Variants in S100PBP observed in about 807,000 individuals in gnomAD.
S100PBP encodes the protein S100P binding protein, also known as S100P-binding protein.
In S100PBP, 15 loss-of-function variants were observed where a neutral mutation model predicts 39.9. That is an observed-to-expected ratio of 0.38 (90% confidence interval 0.25 to 0.58). The LOEUF (loss-of-function observed/expected upper bound fraction) is 0.58, where lower values mean the gene tolerates loss of function less well. S100PBP is among the 20% of genes least tolerant of loss of function. The pLI is 0.70. For missense variants in S100PBP, 504 were observed against 487.3 expected (o/e 1.03, Z -0.32); for synonymous variants, 178 against 180.3 (o/e 0.99, Z 0.10).
At position 32,845,477 on chromosome 1, in the gene S100PBP, C is replaced by T. The variant is rs556600241; in HGVS notation, c.1025-7602C>T. On this transcript the variant is annotated intron_variant, in intron 5 of 6. Transcript: ENST00000373475. ...ATAGAGATGGTATCTCACTGTTACC[C>T]AGGCTAGTCTCGAACTCTTGGCCTC... Among the ~76,000 whole-genome samples the T allele has an allele frequency of 3.4e-4, 52 of 152,104 alleles. 2 individuals carry two copies. The South Asian group carries it at 0.011, about 32-fold the overall frequency.
At chr1:32,816,766 TCTCTCTTTCCCTTTAAAG>T (rs1282001735), upstream of S100PBP, 15 of 188,982 alleles carry the variant, frequency 7.9e-5, no homozygotes, top group East Asian at 5.2e-4. Context: ...AGCCTTCCCT[TCTCTCTTTCCCTTTAAAG>T]CTCCCAGTAT....
chr1:32,820,057 A>G (rs1638973364), intron 1 of S100PBP, among the ~76,000 whole-genome samples: 1 of 151,982 alleles, frequency 6.6e-6, no homozygotes, highest in Admixed American at 6.6e-5. Flanking sequence ...TAAACTAGAT[A>G]AGAGTAGAGT....
At position 32,853,142 on chromosome 1, in the gene S100PBP, A is replaced by G. The variant is rs780705843; in HGVS notation, c.1088A>G (p.Gln363Arg). Reference sequence around the variant, plus strand: ...CATCATATGCAGCACTCAAAATGGCAGCATCCTTCGGACCTCACCACGCGG... The same window carrying G: ...CATCATATGCAGCACTCAAAATGGCGGCATCCTTCGGACCTCACCACGCGG... Reference protein sequence around the residue: ...QVHHMQHSKWQHPSDLTTRNY... With the variant: ...QVHHMQHSKWRHPSDLTTRNY... Residue 363 changes from glutamine (Q) to arginine (R), a missense_variant, in exon 6 of 7, where the codon CAG becomes CGG. Coordinates refer to ENST00000373475, the MANE Select transcript of S100PBP (RefSeq NM_022753.4). The G allele has an allele frequency of 1.8e-5, 29 of 1,612,502 alleles. No individual in the cohort carries two copies. The highest frequency in any genetic ancestry group is 2.5e-5 in the Non-Finnish European group (29 of 1,179,602).
chr1:32,825,714 A>G (rs1164454701), intron 2 of S100PBP, among the ~76,000 whole-genome samples: 1 of 152,206 alleles, frequency 6.6e-6, no homozygotes, highest in African/African-American at 2.4e-5. Context: ...GGATTTGGCT[A>G]CTTTGAACAT....
At chr1:32,821,964 G>A (rs1005974924) in intron 1 of S100PBP, among the ~76,000 whole-genome samples, 3 of 151,938 alleles carry the variant, frequency 2.0e-5, no homozygotes, top group Admixed American at 1.3e-4. Flanking sequence ...AATTGCAGGG[G>A]GAAAAGATCT....
chr1:32,824,366 G>A (rs1043631703), intron 1 of S100PBP, among the ~76,000 whole-genome samples: 1 of 152,108 alleles, frequency 6.6e-6, no homozygotes, highest in Admixed American at 6.5e-5. Context: ...TCAGATATGT[G>A]AAATACTAGC....
intron 5 of S100PBP, among the ~76,000 whole-genome samples, chr1:32,845,870 G>C (rs2148682449): frequency 6.6e-6 from 1 of 150,928 alleles, no homozygotes; most frequent in East Asian, 2.0e-4. Flanking sequence ...GTAGAGATGG[G>C]GTTTTGCCAT....
chr1:32,822,379 G>T (rs1020392003), intron 1 of S100PBP, among the ~76,000 whole-genome samples: 1 of 152,130 alleles, frequency 6.6e-6, no homozygotes, highest in African/African-American at 2.4e-5. Flanking sequence ...TTGGGAGGCC[G>T]AGGCGGGCGG....
intron 1 of S100PBP, among the ~76,000 whole-genome samples, chr1:32,823,433 G>A (rs1335499176): frequency 6.6e-6 from 1 of 152,158 alleles, no homozygotes; most frequent in Non-Finnish European, 1.5e-5. Context: ...ACAATTGCTG[G>A]AATATAGTAT....
chr1:32,824,598 T>C (rs1639237843), intron 1 of S100PBP, among the ~76,000 whole-genome samples: 2 of 151,512 alleles, frequency 1.3e-5, no homozygotes, highest in African/African-American at 2.4e-5. Context: ...GGTCTTGCTC[T>C]GTCACCCTGG....
chr1:32,822,666 G>A (rs1639135328), intron 1 of S100PBP, among the ~76,000 whole-genome samples: 1 of 148,268 alleles, frequency 6.7e-6, no homozygotes, highest in South Asian at 2.2e-4. Flanking sequence ...ACATCAGAAA[G>A]AGAATGGTTT....
intron 1 of S100PBP, among the ~76,000 whole-genome samples, chr1:32,823,352 G>GAAT (rs1458231708): frequency 6.6e-6 from 1 of 152,174 alleles, no homozygotes; most frequent in Non-Finnish European, 1.5e-5. Flanking sequence ...CTAAAGAAAT[G>GAAT]AATAACTCAG....
chr1:32,817,621 G>T, upstream of S100PBP: 1 of 336,522 alleles, frequency 3.0e-6, no homozygotes, highest in Non-Finnish European at 5.7e-6. Flanking sequence ...CGGGGAGGGG[G>T]CGATAAAATG....
At chr1:32,843,955 C>A (rs1237436242) in intron 5 of S100PBP, among the ~76,000 whole-genome samples, 1 of 151,840 alleles carries the variant, frequency 6.6e-6, no homozygotes, top group Non-Finnish European at 1.5e-5. Context: ...GCTGTGTCAC[C>A]CAAACTGGAG....
intron 5 of S100PBP, chr1:32,836,658 G>C: frequency 1.3e-6 from 1 of 796,346 alleles, no homozygotes. Flanking sequence ...AGAGCCTTCT[G>C]TTCTACTGCT....
chr1:32,824,725 G>A (rs763842928), intron 1 of S100PBP, among the ~76,000 whole-genome samples: 4 of 150,626 alleles, frequency 2.7e-5, no homozygotes, highest in Non-Finnish European at 4.4e-5. Context: ...ACCATGCGCC[G>A]CTGATTTTTC....
At chr1:32,838,362 A>G (rs1262023491) in intron 5 of S100PBP, among the ~76,000 whole-genome samples, 2 of 151,594 alleles carry the variant, frequency 1.3e-5, no homozygotes, top group African/African-American at 4.8e-5. Context: ...AAGAAAAGAA[A>G]AGAAACTGCC....
At position 32,826,261 on chromosome 1, in the gene S100PBP, A is replaced by G; in HGVS notation, c.162A>G (p.Thr54=). Residue 54 remains threonine (T), a synonymous_variant, in exon 3 of 7, where the codon ACA becomes ACG. Coordinates refer to ENST00000373475, the MANE Select transcript of S100PBP (RefSeq NM_022753.4). ...AAGATGATGGTGATGTAAATTACAC[A>G]GAGGAAGAGATTGATGCACTGTTGA... ...GEEDDGDVNY[T]EEEIDALLKE... 6.2e-7 allele frequency: 1 copy of G among 1,614,178 alleles called. No individual in the cohort carries two copies. The highest frequency in any genetic ancestry group is 8.5e-7 in the Non-Finnish European group (1 of 1,180,018).
At position 32,826,655 on chromosome 1, in the gene S100PBP, C is replaced by A; in HGVS notation, c.556C>A (p.Leu186Ile). ...TGGAGAAGAGATGAGAGAAGATGGTCTTAGCCCAAATGAAAGCAAACTTTG... is the reference window on the plus strand; with the variant it reads ...TGGAGAAGAGATGAGAGAAGATGGTATTAGCCCAAATGAAAGCAAACTTTG... ...SLGEEMREDG[L>I]SPNESKLCTE... The change falls in exon 3 of 7, where the codon CTT becomes ATT. Residue 186 changes from leucine to isoleucine, a missense_variant. Coordinates refer to ENST00000373475, the MANE Select transcript of S100PBP (RefSeq NM_022753.4). 6.2e-7 allele frequency: 1 copy of A among 1,614,174 alleles called. No homozygotes were observed. The highest frequency in any genetic ancestry group is 1.1e-5 in the South Asian group (1 of 91,078).
Sources: gnomAD v4.1 joint callset for allele counts (sites outside exome capture counted in the v4.1 genomes callset) on GRCh38, gnomAD v4.1.1 for gene constraint, MANE v1.5 for transcripts, NCBI Gene and HGNC (gene_info 2026-07-23, HGNC 2026-07-21) for gene names.